Variants in KIAA1549L observed in about 807,000 individuals in gnomAD.
KIAA1549L encodes UPF0606 protein KIAA1549L.
In KIAA1549L, 88 loss-of-function variants were observed where a neutral mutation model predicts 160.7. That is an observed-to-expected ratio of 0.55 (90% confidence interval 0.46 to 0.65). The LOEUF (loss-of-function observed/expected upper bound fraction) is 0.65. Ranked by LOEUF, KIAA1549L falls within the 30% of genes least tolerant of loss-of-function variation. The probability of loss-of-function intolerance (pLI) is 0.00; values close to 1 mark genes in which losing one functional copy is unlikely to be tolerated. For synonymous variants in KIAA1549L, 950 were observed against 976.7 expected (o/e 0.97, Z 0.51); for missense variants, 2,258 against 2,437.5 (o/e 0.93, Z 1.55).
rs115956313 is a variant in KIAA1549L, at chr11:33,491,899, A to G, written c.239-49903A>G. 1.3e-3 allele frequency among the ~76,000 whole-genome samples: 191 copies of G among 152,330 alleles called. 2 individuals carry two copies. The highest frequency in any genetic ancestry group is 4.4e-3 in the African/African-American group (185 of 41,584). ...GAGAGCTGGTTTCTATCAAAGTTCA[A>G]ATGCACACAAGACCTATTTGTAGAG... On this transcript the variant is annotated intron_variant, in intron 1 of 20. Transcript: ENST00000658780.
At chr11:33,458,049 C>A (rs906765413) in intron 1 of KIAA1549L, among the ~76,000 whole-genome samples, 1 of 152,138 alleles carries the variant, frequency 6.6e-6, no homozygotes, top group East Asian at 1.9e-4. Context: ...CCAGTGTGCA[C>A]GCTCTGAGGC....
At chr11:33,524,801 G>A (rs1853576094) in intron 1 of KIAA1549L, among the ~76,000 whole-genome samples, 2 of 152,144 alleles carry the variant, frequency 1.3e-5, no homozygotes, top group South Asian at 4.2e-4. Context: ...TGCTCATTTT[G>A]TGACCATGAT....
At position 33,414,993 on chromosome 11, in the gene KIAA1549L, C is replaced by T. The variant is rs145914502; in HGVS notation, c.238+38104C>T. On this transcript the variant is annotated intron_variant, in intron 1 of 20. Transcript: ENST00000658780. ...CTGTGAAAAGGCAATTTGTCATTTG[C>T]GTTTTAATTTTTATAGTGTTTTTGG... 2.7e-3 allele frequency among the ~76,000 whole-genome samples: 413 copies of T among 151,988 alleles called. 1 individual carries two copies. Among genetic ancestry groups the T allele is most frequent in the African/African-American group, 8.8e-3 (364 of 41,422 alleles).
chr11:33,500,843 T>C (rs75194571), intron 1 of KIAA1549L, among the ~76,000 whole-genome samples: 2,674 of 152,220 alleles, frequency 0.018, 85 homozygotes, highest in African/African-American at 0.061. Flanking sequence ...ATTAGTTTAT[T>C]ATAAATATAA....
intron 1 of KIAA1549L, among the ~76,000 whole-genome samples, chr11:33,500,241 T>C (rs1852914505): frequency 6.6e-6 from 1 of 152,206 alleles, no homozygotes; most frequent in Admixed American, 6.5e-5. Context: ...GTTAAGTAAC[T>C]GTTTCAAGAT....
intron 1 of KIAA1549L, among the ~76,000 whole-genome samples, chr11:33,490,122 A>G (rs776735801): frequency 1.4e-4 from 21 of 152,076 alleles, no homozygotes; most frequent in Non-Finnish European, 2.6e-4. Flanking sequence ...TAACTACTCA[A>G]TAAGTTTCGT....
At chr11:33,625,406 C>A (rs1011303936) in intron 16 of KIAA1549L, among the ~76,000 whole-genome samples, 2 of 152,154 alleles carry the variant, frequency 1.3e-5, no homozygotes, top group Non-Finnish European at 2.9e-5. Flanking sequence ...TTCTCCATAT[C>A]CTCTCCAGCA....
intron 20 of KIAA1549L, among the ~76,000 whole-genome samples, chr11:33,663,609 C>A (rs2133452905): frequency 6.6e-6 from 1 of 152,304 alleles, no homozygotes; most frequent in South Asian, 2.1e-4. Flanking sequence ...TCAGCCACAG[C>A]AAGTACAGTT....
intron 1 of KIAA1549L, among the ~76,000 whole-genome samples, chr11:33,458,863 G>A (rs549169319): frequency 6.6e-6 from 1 of 152,328 alleles, no homozygotes; most frequent in African/African-American, 2.4e-5. Flanking sequence ...GGGAAGCTCT[G>A]TGTAGAGTTA....
At chr11:33,549,816 C>CA (rs1194959635) in intron 4 of KIAA1549L, among the ~76,000 whole-genome samples, 1 of 152,002 alleles carries the variant, frequency 6.6e-6, no homozygotes, top group Non-Finnish European at 1.5e-5. Context: ...CCAGCGTGGG[C>CA]AACGTAGTGA....
Position 33,502,305 on chromosome 11 carries a change from A to G in KIAA1549L, c.239-39497A>G, listed in dbSNP as rs184758701. On this transcript the variant is annotated intron_variant, in intron 1 of 20. Coordinates refer to ENST00000658780, the MANE Select transcript of KIAA1549L (RefSeq NM_012194.3). Reference sequence around the variant, plus strand: ...TTGCTACCTTCAGGCTTGGAGAGGAACTTGAAAGACAGGGAGAGAGACCGA... The same window carrying G: ...TTGCTACCTTCAGGCTTGGAGAGGAGCTTGAAAGACAGGGAGAGAGACCGA... Among the ~76,000 whole-genome samples the G allele has an allele frequency of 7.9e-5, 12 of 152,276 alleles. No individual in the cohort carries two copies. The East Asian group carries it at 1.4e-3, about 17-fold the overall frequency.
chr11:33,454,577 A>G (rs913678228), intron 1 of KIAA1549L, among the ~76,000 whole-genome samples: 4 of 152,196 alleles, frequency 2.6e-5, no homozygotes, highest in African/African-American at 9.7e-5. Flanking sequence ...GCCTGTGTTT[A>G]TAACAGTGAC....
chr11:33,502,122 T>C (rs1852964535), intron 1 of KIAA1549L, among the ~76,000 whole-genome samples: 1 of 152,246 alleles, frequency 6.6e-6, no homozygotes, highest in East Asian at 1.9e-4. Context: ...GAGGTTAGCC[T>C]TCTGGCCTTC....
At chr11:33,451,070 C>T (rs1851711837) in intron 1 of KIAA1549L, 1 of 152,282 alleles carries the variant, frequency 6.6e-6, no homozygotes, top group Non-Finnish European at 1.5e-5. Flanking sequence ...GTACCGACCA[C>T]CCCTTGAAGG....
intron 1 of KIAA1549L, among the ~76,000 whole-genome samples, chr11:33,508,309 A>G: frequency 6.6e-6 from 1 of 152,154 alleles, no homozygotes; most frequent in Non-Finnish European, 1.5e-5. Context: ...ACATTTTACC[A>G]TCCAGCCACG....
rs111778158 is a variant in KIAA1549L at position 33,618,722 on chromosome 11, T to C, written c.5409+60T>C. 3.2e-3 allele frequency: 4,458 copies of C among 1,392,912 alleles called. 134 individuals carry two copies. The African/African-American group carries it at 0.055, about 17-fold the overall frequency. The allele number at this position is 1,392,912 out of a possible 1,614,324, so 86.3% of individuals were successfully genotyped here. On this transcript the variant is annotated intron_variant, in intron 16 of 20. Transcript: ENST00000658780. Reference sequence around the variant, plus strand: ...TCCTTTCCCCTGAAGGCAAGGGGGATAGGGCATCCCACTGTGTTTTGGTTT... The same window carrying C: ...TCCTTTCCCCTGAAGGCAAGGGGGACAGGGCATCCCACTGTGTTTTGGTTT...
At chr11:33,463,003 T>C (rs537264465) in intron 1 of KIAA1549L, among the ~76,000 whole-genome samples, 2 of 152,182 alleles carry the variant, frequency 1.3e-5, no homozygotes, top group African/African-American at 4.8e-5. Flanking sequence ...ATTCTTTTTC[T>C]ATTTTTTGTA....
At chr11:33,436,482 G>C (rs191058520) in intron 1 of KIAA1549L, among the ~76,000 whole-genome samples, 5 of 152,318 alleles carry the variant, frequency 3.3e-5, no homozygotes, top group African/African-American at 9.6e-5. Flanking sequence ...AGCCCCTGCT[G>C]GGGGAGGGCA....
intron 1 of KIAA1549L, among the ~76,000 whole-genome samples, chr11:33,435,011 A>G (rs1356683226): frequency 2.0e-5 from 3 of 152,262 alleles, no homozygotes; most frequent in Non-Finnish European, 4.4e-5. Flanking sequence ...TTGGAAAGAT[A>G]GAATGATGTT....
Sources: gnomAD v4.1 joint callset for allele counts (sites outside exome capture counted in the v4.1 genomes callset) on GRCh38, gnomAD v4.1.1 for gene constraint, MANE v1.5 for transcripts, NCBI Gene and HGNC (gene_info 2026-07-23, HGNC 2026-07-21) for gene names.